The following PTPRK variants were observed in gnomAD, a reference collection of about 807,000 sequenced individuals.
PTPRK encodes the protein receptor-type tyrosine-protein phosphatase kappa.
Under a neutral mutation model 178.0 loss-of-function variants are expected in PTPRK, and 75 were observed. The ratio of observed to expected loss-of-function variants is 0.42; its 90% CI spans 0.35 to 0.51. The LOEUF (loss-of-function observed/expected upper bound fraction) is 0.51, where lower values mean the gene tolerates loss of function less well. Among genes scored for constraint, PTPRK ranks in the 20% least tolerant of loss-of-function variants. The probability of loss-of-function intolerance (pLI) is 0.02; values close to 1 mark genes in which losing one functional copy is unlikely to be tolerated. For synonymous variants in PTPRK, 637 were observed against 620.6 expected (o/e 1.03, Z -0.39); for missense variants, 1,441 against 1,797.8 (o/e 0.80, Z 3.59).
chr6:128,478,408 G>A (rs764957814), intron 1 of PTPRK, among the ~76,000 whole-genome samples: 2 of 152,108 alleles, frequency 1.3e-5, no homozygotes, highest in Non-Finnish European at 2.9e-5. Context: ...TGATGTGCTA[G>A]TTCCGGAACT....
chr6:128,227,116 C>A (rs901503587), intron 5 of PTPRK, among the ~76,000 whole-genome samples: 1 of 152,010 alleles, frequency 6.6e-6, no homozygotes, highest in African/African-American at 2.4e-5. Context: ...GTTTTGGTAA[C>A]CATGTATTTG....
intron 7 of PTPRK, among the ~76,000 whole-genome samples, chr6:128,123,279 A>G (rs1232274479): frequency 1.3e-5 from 2 of 152,200 alleles, no homozygotes; most frequent in African/African-American, 4.8e-5. Context: ...CACTGCAGAC[A>G]CATTGATTTT....
chr6:128,010,907 A>G (rs1236126874), intron 13 of PTPRK, among the ~76,000 whole-genome samples: 1 of 151,148 alleles, frequency 6.6e-6, no homozygotes, highest in Non-Finnish European at 1.5e-5. Flanking sequence ...GGCTGTAGGG[A>G]ATTTCTAACC....
chr6:128,044,449 G>C (rs1408842377), intron 13 of PTPRK, among the ~76,000 whole-genome samples: 1 of 151,930 alleles, frequency 6.6e-6, no homozygotes, highest in Non-Finnish European at 1.5e-5. Context: ...TAAAAGCACA[G>C]ATCAAATCAT....
intron 2 of PTPRK, among the ~76,000 whole-genome samples, chr6:128,386,420 G>T (rs1275307315): frequency 6.6e-6 from 1 of 152,064 alleles, no homozygotes; most frequent in South Asian, 2.1e-4. Flanking sequence ...ATAGGGTCCC[G>T]GCCTGAGAGG....
chr6:128,001,726 G>A (rs2114694080), intron 15 of PTPRK, among the ~76,000 whole-genome samples: 1 of 151,974 alleles, frequency 6.6e-6, no homozygotes, highest in East Asian at 1.9e-4. Context: ...AAAGATGTAA[G>A]GTATTTTTAT....
At chr6:128,356,666 C>T (rs1834005756) in intron 2 of PTPRK, among the ~76,000 whole-genome samples, 1 of 152,118 alleles carries the variant, frequency 6.6e-6, no homozygotes, top group South Asian at 2.1e-4. Context: ...TCTTTTCTTT[C>T]TCATATCATA....
At chr6:128,370,027 G>T (rs552293719) in intron 2 of PTPRK, among the ~76,000 whole-genome samples, 2 of 152,254 alleles carry the variant, frequency 1.3e-5, no homozygotes, top group Admixed American at 6.5e-5. Context: ...AGCAAAGCTT[G>T]AATGGACAGG....
chr6:128,246,473 C>T (rs1207891591), intron 3 of PTPRK, among the ~76,000 whole-genome samples: 2 of 152,006 alleles, frequency 1.3e-5, no homozygotes, highest in Admixed American at 1.3e-4. Context: ...TTAGTGACCT[C>T]ATTTTCCCTG....
chr6:128,230,722 C>T (rs138424486), intron 5 of PTPRK: 3 of 152,294 alleles, frequency 2.0e-5, no homozygotes, highest in African/African-American at 7.2e-5. Flanking sequence ...AAGTGCTTGA[C>T]GTGACACACC....
chr6:128,109,232 A>G (rs1410106685), intron 7 of PTPRK, among the ~76,000 whole-genome samples: 1 of 152,168 alleles, frequency 6.6e-6, no homozygotes, highest in Non-Finnish European at 1.5e-5. Context: ...CCCTTTTACA[A>G]GTTTCAAAAG....
rs190605860 is a variant in PTPRK at position 128,355,584 on chromosome 6, C to T, written c.224-33274G>A. On this transcript the variant is annotated intron_variant, in intron 2 of 29. Transcript: ENST00000368226. ...TGTAAAAATTCTAAAAACTGGGGAA[C>T]GAAGAAGAAGATTCAAGTAAATTTT... is the stretch of plus-strand genomic sequence containing the variant. Among the ~76,000 whole-genome samples the T allele has an allele frequency of 2.2e-4, 34 of 151,916 alleles. No homozygotes were observed. In the East Asian group the frequency reaches 5.4e-3, roughly 24 times the overall value.
rs536851291 is a variant in PTPRK at position 128,295,082 on chromosome 6, C to T, written c.495+26957G>A. Among the ~76,000 whole-genome samples, 12 of 152,168 alleles carry T rather than the reference C, an allele frequency of 7.9e-5. No homozygotes were observed. In the South Asian group the frequency reaches 2.3e-3, roughly 29 times the overall value. ...GTCCTTAAGTCAGTAATATGTGATT[C>T]TCTTTCAAAATTTAACTATATGATT... On this transcript the variant is annotated intron_variant, in intron 3 of 29. Coordinates refer to ENST00000368226, the MANE Select transcript of PTPRK (RefSeq NM_002844.4).
intron 3 of PTPRK, among the ~76,000 whole-genome samples, chr6:128,262,375 T>C (rs888990738): frequency 1.3e-5 from 2 of 152,202 alleles, no homozygotes; most frequent in African/African-American, 4.8e-5. Context: ...ACAGACTTAA[T>C]ATGTAATCAT....
At chr6:128,086,926 T>G (rs918332832) in intron 8 of PTPRK, among the ~76,000 whole-genome samples, 6 of 152,148 alleles carry the variant, frequency 3.9e-5, no homozygotes, top group African/African-American at 1.4e-4. Context: ...AAACAGAGAT[T>G]AAAATAAAAC....
chr6:128,285,799 CA>C (rs1184624686), intron 3 of PTPRK, among the ~76,000 whole-genome samples: 2 of 149,640 alleles, frequency 1.3e-5, no homozygotes, highest in East Asian at 2.0e-4. Context: ...TACGCTGTCT[CA>C]AAAAAAAGTC....
chr6:128,078,238 T>C (rs17055269), intron 11 of PTPRK, among the ~76,000 whole-genome samples: 7,988 of 151,978 alleles, frequency 0.053, 710 homozygotes, highest in African/African-American at 0.18. Context: ...AAAATGCCCT[T>C]AGAATTTTGC....
chr6:128,135,808 T>C (rs1203605272), intron 7 of PTPRK, among the ~76,000 whole-genome samples: 1 of 151,784 alleles, frequency 6.6e-6, no homozygotes, highest in Admixed American at 6.6e-5. Context: ...AGGTTGGCCA[T>C]TGTGATCAAG....
chr6:128,387,880 T>C (rs1036846384), intron 2 of PTPRK, among the ~76,000 whole-genome samples: 1 of 151,912 alleles, frequency 6.6e-6, no homozygotes, highest in Non-Finnish European at 1.5e-5. Context: ...GGGCATCCAA[T>C]CTTTTGGCTT....
Sources: allele counts gnomAD v4.1 joint callset (sites outside exome capture counted in the v4.1 genomes callset), GRCh38; gene constraint gnomAD v4.1.1; transcripts MANE v1.5; gene names NCBI Gene and HGNC (gene_info 2026-07-23, HGNC 2026-07-21).